Variants in HSF2BP observed in about 807,000 individuals in gnomAD.
The protein encoded by HSF2BP is heat shock factor 2-binding protein.
Under a neutral mutation model 35.0 loss-of-function variants are expected in HSF2BP, and 35 were observed. The ratio of observed to expected loss-of-function variants is 1.00; its 90% CI spans 0.76 to 1.32. HSF2BP has a LOEUF of 1.32. Ranked by LOEUF, HSF2BP falls within the 40% of genes most tolerant of loss-of-function variation. The pLI, the probability that HSF2BP is intolerant of heterozygous loss-of-function variation, is 0.00. For synonymous variants in HSF2BP, 114 were observed against 117.4 expected (o/e 0.97, Z 0.18); for missense variants, 326 against 321.7 (o/e 1.01, Z -0.10).
rs1569047116 is a variant in HSF2BP, at chr21:43,535,739, TAAAATAAAATAAAATAATAA to T, written c.797-5797_797-5778del. 2.6e-3 allele frequency among the ~76,000 whole-genome samples: 11 copies of T among 4,260 alleles called. 1 individual carries two copies. The highest frequency in any genetic ancestry group is 0.013 in the South Asian group (2 of 154). 2.8% of individuals were successfully genotyped at this position (4,260 alleles called of 152,430 possible). ...TAAAATAAAATAAAATAAAATAAAA[TAAAATAAAATAAAATAATAA>T]AATAAAATAAAATAAAATAAAATAA... On this transcript the variant is annotated intron_variant, in intron 8 of 8. Coordinates refer to ENST00000291560, the MANE Select transcript of HSF2BP (RefSeq NM_007031.2).
intron 3 of HSF2BP, among the ~76,000 whole-genome samples, chr21:43,647,549 C>T (rs912059961): frequency 1.3e-5 from 2 of 152,160 alleles, no homozygotes; most frequent in African/African-American, 4.8e-5. Context: ...TTTCTTAATA[C>T]AGGTCTAATA....
intron 7 of HSF2BP, among the ~76,000 whole-genome samples, chr21:43,603,152 A>G (rs902961242): frequency 1.3e-5 from 2 of 152,254 alleles, no homozygotes; most frequent in African/African-American, 4.8e-5. Context: ...AAGTGTTACC[A>G]AGTATCAAGG....
chr21:43,617,813 G>C (rs2082288226), intron 6 of HSF2BP, among the ~76,000 whole-genome samples: 1 of 152,050 alleles, frequency 6.6e-6, no homozygotes. Context: ...AATTAGCCAG[G>C]TGTGGTGGCA....
In HSF2BP at chr21:43,621,355, T is replaced by C. The variant is rs1489832828; in HGVS notation, c.575-7408A>G. On this transcript the variant is annotated intron_variant, in intron 6 of 8. Coordinates refer to ENST00000291560, the MANE Select transcript of HSF2BP (RefSeq NM_007031.2). ...CAGTCTGGCCAACATGGTGAAACCC[T>C]GTCTCCACTAAGAAAACAGAAATTA... is the stretch of plus-strand genomic sequence containing the variant. 2.6e-5 allele frequency among the ~76,000 whole-genome samples: 4 copies of C among 152,054 alleles called. No individual in the cohort carries two copies. In the East Asian group the frequency reaches 7.7e-4, roughly 29 times the overall value.
Position 43,630,338 on chromosome 21 carries a change from C to A in HSF2BP, c.558G>T (p.Leu186=). The A allele has an allele frequency of 6.2e-7, 1 of 1,611,954 alleles. No individual in the cohort carries two copies. Among genetic ancestry groups the A allele is most frequent in the Non-Finnish European group, 8.5e-7 (1 of 1,179,332 alleles). ...DSDESQFVFA[L]AGIVTNVAAI... is the part of the protein sequence containing the mutation. ...TGCACTTACTCGTGACAATTCCAGC[C>A]AGAGCGAAAACAAACTGACTTTCAT... Residue 186 remains leucine, a synonymous_variant, in exon 6 of 9, where the codon CTG becomes CTT. Coordinates refer to ENST00000291560, the MANE Select transcript of HSF2BP (RefSeq NM_007031.2).
At chr21:43,573,591 G>C (rs1422058485) in intron 8 of HSF2BP, among the ~76,000 whole-genome samples, 4 of 152,198 alleles carry the variant, frequency 2.6e-5, no homozygotes, top group African/African-American at 9.6e-5. Context: ...ATCAAACACT[G>C]CTGCTTCCCC....
intron 6 of HSF2BP, among the ~76,000 whole-genome samples, chr21:43,619,809 GA>G (rs1463624864): frequency 6.6e-6 from 1 of 152,212 alleles, no homozygotes; most frequent in African/African-American, 2.4e-5. Flanking sequence ...CCCAGCCCTG[GA>G]AACGCTGCTC....
At chr21:43,585,170 G>A (rs1460317680) in intron 8 of HSF2BP, among the ~76,000 whole-genome samples, 1 of 152,046 alleles carries the variant, frequency 6.6e-6, no homozygotes, top group Non-Finnish European at 1.5e-5. Context: ...AACTAGCCAA[G>A]TATGGTGGTG....
At chr21:43,614,105 T>C (rs2082242424) in intron 6 of HSF2BP, among the ~76,000 whole-genome samples, 158 bp from the exon 7 acceptor site, 1 of 152,176 alleles carries the variant, frequency 6.6e-6, no homozygotes, top group Non-Finnish European at 1.5e-5. Flanking sequence ...TGTTCACACC[T>C]GTAATCCCAA....
intron 4 of HSF2BP, among the ~76,000 whole-genome samples, chr21:43,642,874 A>G (rs2082658198): frequency 7.3e-6 from 1 of 137,288 alleles, no homozygotes; most frequent in African/African-American, 2.8e-5. Flanking sequence ...ATTTCGGCTC[A>G]CTGCAACCTC....
In HSF2BP at chr21:43,601,726, A is replaced by G. The variant is rs9977627; in HGVS notation, c.693-9398T>C. On this transcript the variant is annotated intron_variant, in intron 7 of 8. Coordinates refer to ENST00000291560, the MANE Select transcript of HSF2BP (RefSeq NM_007031.2). ...AATACACATTAGTTCACAGGCCCCAAATGACTTCCAGATATTGACTTTTGT... is the reference window on the plus strand; with the variant it reads ...AATACACATTAGTTCACAGGCCCCAGATGACTTCCAGATATTGACTTTTGT... Among the ~76,000 whole-genome samples, 494 of 152,264 alleles carry G rather than the reference A, an allele frequency of 3.2e-3. 1 individual carries two copies. Among genetic ancestry groups the G allele is most frequent in the African/African-American group, 0.011 (454 of 41,540 alleles).
At position 43,607,496 on chromosome 21, in the gene HSF2BP, A is replaced by G. The variant is rs547973223; in HGVS notation, c.692+6334T>C. The stretch of plus-strand genomic sequence containing the variant: ...TCATGTTCATGGACTGGAAGAATCA[A>G]TATCATGAAAATGTCCAAACTGCCC... On this transcript the variant is annotated intron_variant, in intron 7 of 8. Coordinates refer to ENST00000291560, the MANE Select transcript of HSF2BP (RefSeq NM_007031.2). 1.4e-4 allele frequency among the ~76,000 whole-genome samples: 21 copies of G among 152,322 alleles called. No homozygotes were observed. The East Asian group carries it at 3.7e-3, about 27-fold the overall frequency.
intron 7 of HSF2BP, among the ~76,000 whole-genome samples, chr21:43,598,609 G>C (rs2082015091): frequency 6.6e-6 from 1 of 151,974 alleles, no homozygotes; most frequent in Admixed American, 6.6e-5. Context: ...AGGGTGCTCA[G>C]TTCTCAAAAC....
intron 8 of HSF2BP, among the ~76,000 whole-genome samples, chr21:43,590,504 T>C (rs866540082): frequency 6.6e-6 from 1 of 152,190 alleles, no homozygotes; most frequent in Non-Finnish European, 1.5e-5. Context: ...CAAAAGCATA[T>C]GTCCATGCAA....
In HSF2BP at chr21:43,644,236, G is replaced by A. The variant is rs141304398; in HGVS notation, c.291+53C>T. On this transcript the variant is annotated intron_variant, in intron 4 of 8. Transcript: ENST00000291560. ...CACTGCTTATCATAAGTGAAAGGCT[G>A]TAAGCCAGCCCCACTTTCTGGCTTG... 2,531 of 1,361,978 alleles carry A rather than the reference G, an allele frequency of 1.9e-3. 32 individuals are homozygous for A. In the African/African-American group the frequency reaches 0.031, roughly 17 times the overall value. The allele number at this position is 1,361,978 out of a possible 1,614,324, so 84.4% of individuals were successfully genotyped here. A position where few individuals can be genotyped will look rare whatever the true frequency, so the allele number is the denominator to read the frequency against.
chr21:43,623,938 G>A (rs1308030533), intron 6 of HSF2BP, among the ~76,000 whole-genome samples: 6 of 152,172 alleles, frequency 3.9e-5, no homozygotes, highest in African/African-American at 1.2e-4. Flanking sequence ...CAAGGTACAT[G>A]AGAAACAAAT....
At chr21:43,645,791 C>G (rs987052034) in intron 3 of HSF2BP, among the ~76,000 whole-genome samples, 9 of 152,070 alleles carry the variant, frequency 5.9e-5, no homozygotes, top group African/African-American at 2.2e-4. Flanking sequence ...GCTTTCGAAT[C>G]TAGGGGTCTG....
intron 7 of HSF2BP, among the ~76,000 whole-genome samples, chr21:43,611,089 T>A (rs1157664382): frequency 5.3e-5 from 8 of 151,982 alleles, no homozygotes; most frequent in African/African-American, 1.7e-4. Flanking sequence ...ATTTTTAAAA[T>A]TTAACAATTA....
At chr21:43,644,504 G>A (rs1041065599) in intron 3 of HSF2BP, 112 bp from the exon 4 acceptor site, 29 of 745,070 alleles carry the variant, frequency 3.9e-5, no homozygotes, top group African/African-American at 3.1e-4. Flanking sequence ...TCTTAGGTGA[G>A]AATATTTGCA....
Sources: gnomAD v4.1 joint callset for allele counts (sites outside exome capture counted in the v4.1 genomes callset) on GRCh38, gnomAD v4.1.1 for gene constraint, MANE v1.5 for transcripts, NCBI Gene and HGNC (gene_info 2026-07-23, HGNC 2026-07-21) for gene names.